The following FTCDNL1 variants were observed in gnomAD, a reference collection of about 807,000 sequenced individuals.
FTCDNL1 encodes the protein formiminotransferase cyclodeaminase N-terminal like, also known as formiminotransferase N-terminal subdomain-containing protein.
FTCDNL1 carries 11 observed loss-of-function variants against 5.9 expected under a neutral mutation model. The ratio of observed to expected loss-of-function variants is 1.87; its 90% CI spans 1.18 to 3.10. The LOEUF is 3.10. Ranked by LOEUF, FTCDNL1 falls within the 30% of genes most tolerant of loss-of-function variation. The pLI, the probability that FTCDNL1 is intolerant of heterozygous loss-of-function variation, is 0.00. For synonymous variants in FTCDNL1, 58 were observed against 24.8 expected, an observed-to-expected ratio of 2.34 and a Z score of -3.99; for missense variants, 115 against 65.5, an observed-to-expected ratio of 1.76 and a Z score of -2.61.
rs1015759544 is a variant in FTCDNL1, at chr2:199,812,614, G to A, written c.*91C>T. The A allele has an allele frequency of 3.1e-5, 17 of 551,194 alleles. No individual in the cohort carries two copies. The highest frequency in any genetic ancestry group is 9.8e-5 in the South Asian group (4 of 40,984). 34.1% of individuals were successfully genotyped at this position (551,194 alleles called of 1,614,324 possible). Reference sequence around the variant, plus strand: ...CAGTTTGCAGTTTCGCTCCACTCCCGCCTCCCGCAGATTGGCACTCAGCTG... The same window carrying A: ...CAGTTTGCAGTTTCGCTCCACTCCCACCTCCCGCAGATTGGCACTCAGCTG... On this transcript the variant is annotated 3_prime_UTR_variant, in exon 5 of 5. Transcript: ENST00000420128.
intron 3 of FTCDNL1, among the ~76,000 whole-genome samples, chr2:199,775,323 T>C (rs1184060209): frequency 6.6e-6 from 1 of 152,206 alleles, no homozygotes; most frequent in Admixed American, 6.5e-5. Context: ...TGTAGCAGAC[T>C]CAGCCAATCC....
intron 3 of FTCDNL1, among the ~76,000 whole-genome samples, chr2:199,768,628 C>G (rs1354651664): frequency 6.6e-6 from 1 of 151,654 alleles, no homozygotes; most frequent in African/African-American, 2.4e-5. Context: ...AAAAGCAGAC[C>G]AATTAAAGAG....
chr2:199,713,894 CG>C, the FTCDNL1 span, among the ~76,000 whole-genome samples: 5 of 152,220 alleles, frequency 3.3e-5, no homozygotes, highest in South Asian at 8.3e-4. Flanking sequence ...GAAATGACAT[CG>C]AAGTCTCACT....
chr2:199,752,413 G>A, the FTCDNL1 span, among the ~76,000 whole-genome samples: 2 of 152,316 alleles, frequency 1.3e-5, no homozygotes, highest in East Asian at 3.9e-4. Flanking sequence ...ACATTAGTTG[G>A]GATGTTTCTA....
downstream of FTCDNL1, among the ~76,000 whole-genome samples, chr2:199,806,288 T>A (rs1700721132): frequency 6.6e-6 from 1 of 152,152 alleles, no homozygotes; most frequent in Non-Finnish European, 1.5e-5. Flanking sequence ...CACAACATAC[T>A]TCGGGAGCAC....
intron 3 of FTCDNL1, among the ~76,000 whole-genome samples, chr2:199,791,763 G>A (rs1268284386): frequency 6.6e-6 from 1 of 152,066 alleles, no homozygotes; most frequent in Non-Finnish European, 1.5e-5. Flanking sequence ...AGGACTAATA[G>A]TATAAAGAAA....
At chr2:199,733,006 A>G in the FTCDNL1 span, among the ~76,000 whole-genome samples, 1 of 152,346 alleles carries the variant, frequency 6.6e-6, no homozygotes. Context: ...TATTAATTCT[A>G]ACCTACAAAG....
intron 3 of FTCDNL1, among the ~76,000 whole-genome samples, chr2:199,804,141 C>A (rs1700605466): frequency 6.6e-6 from 1 of 152,082 alleles, no homozygotes; most frequent in South Asian, 2.1e-4. Flanking sequence ...GTACTAGAAA[C>A]AATATAGTTT....
At chr2:199,744,910 C>CCCGTT in the FTCDNL1 span, among the ~76,000 whole-genome samples, 1 of 152,234 alleles carries the variant, frequency 6.6e-6, no homozygotes, top group Non-Finnish European at 1.5e-5. Flanking sequence ...CGGGAAAACG[C>CCCGTT]CCGTTCCTCG....
chr2:199,763,337 G>A (rs1299832123), intron 3 of FTCDNL1, among the ~76,000 whole-genome samples: 1 of 152,154 alleles, frequency 6.6e-6, no homozygotes, highest in Non-Finnish European at 1.5e-5. Flanking sequence ...AAGTTTTGCA[G>A]AGCCTTTTAC....
At chr2:199,815,414 A>T (rs1701292973) in intron 4 of FTCDNL1, among the ~76,000 whole-genome samples, 1 of 152,124 alleles carries the variant, frequency 6.6e-6, no homozygotes, top group Non-Finnish European at 1.5e-5. Context: ...TGTTGACTGT[A>T]CTGTACAGTT....
chr2:199,850,425 A>G (rs1031847875), intron 1 of FTCDNL1, among the ~76,000 whole-genome samples: 1 of 152,252 alleles, frequency 6.6e-6, no homozygotes, highest in East Asian at 1.9e-4. Context: ...TGCAAAAGAA[A>G]GGATTAGTTT....
the FTCDNL1 span, among the ~76,000 whole-genome samples, chr2:199,743,920 A>G: frequency 1.3e-5 from 2 of 152,220 alleles, no homozygotes; most frequent in African/African-American, 4.8e-5. Context: ...GCTTTTAAAA[A>G]TAAATGAATA....
chr2:199,721,328 G>C, the FTCDNL1 span, among the ~76,000 whole-genome samples: 1 of 151,826 alleles, frequency 6.6e-6, no homozygotes, highest in Admixed American at 6.6e-5. Context: ...TGTCCATGTA[G>C]TCTCATTATT....
At chr2:199,752,457 T>G in the FTCDNL1 span, among the ~76,000 whole-genome samples, 1 of 152,208 alleles carries the variant, frequency 6.6e-6, no homozygotes, top group Non-Finnish European at 1.5e-5. Flanking sequence ...TACATTTAAA[T>G]CAGTGGACTT....
intron 3 of FTCDNL1, among the ~76,000 whole-genome samples, chr2:199,796,101 A>G (rs573589711): frequency 1.2e-4 from 18 of 152,308 alleles, no homozygotes; most frequent in African/African-American, 4.1e-4. Context: ...CTAGAGATAT[A>G]TGTTATTGAA....
rs1022364387 is a variant in FTCDNL1, at chr2:199,812,132, T to C, written c.*573A>G. 6.6e-6 allele frequency among the ~76,000 whole-genome samples: 1 copy of C among 152,244 alleles called. No homozygotes were observed. Among genetic ancestry groups the C allele is most frequent in the Non-Finnish European group, 1.5e-5 (1 of 68,038 alleles). ...AAGCTTTAGTTACACAATATTTTTG[T>C]TTTATTACTATTTCTTATTCAAGTA... On this transcript the variant is annotated 3_prime_UTR_variant, in exon 5 of 5. Coordinates refer to ENST00000420128, the MANE Select transcript of FTCDNL1 (RefSeq NM_001363886.2).
the FTCDNL1 span, among the ~76,000 whole-genome samples, chr2:199,746,410 G>C: frequency 1.3e-5 from 2 of 152,072 alleles, no homozygotes; most frequent in South Asian, 2.1e-4. Flanking sequence ...TCCACTCTTA[G>C]ACTTGTTGTA....
At chr2:199,812,977 A>G (rs1701128697) in intron 4 of FTCDNL1, among the ~76,000 whole-genome samples, 1 of 152,222 alleles carries the variant, frequency 6.6e-6, no homozygotes, top group Non-Finnish European at 1.5e-5. Flanking sequence ...TGATTTAGAT[A>G]TTGTTGAGAC....
Sources: gnomAD v4.1 joint callset for allele counts (sites outside exome capture counted in the v4.1 genomes callset) on GRCh38, gnomAD v4.1.1 for gene constraint, MANE v1.5 for transcripts, NCBI Gene and HGNC (gene_info 2026-07-23, HGNC 2026-07-21) for gene names.